FAHD1: variants seen among roughly 807,000 people sequenced by gnomAD.
FAHD1 encodes the protein FAH domain containing oxaloacetate decarboxylase 1, also known as oxaloacetate tautomerase FAHD1, mitochondrial.
Under a neutral mutation model 12.7 loss-of-function variants are expected in FAHD1, and 14 were observed. The observed-to-expected ratio is 1.10, with a 90% confidence interval of 0.73 to 1.72. FAHD1 has a LOEUF of 1.72. Ranked by LOEUF, FAHD1 falls within the 40% of genes most tolerant of loss-of-function variation. FAHD1 has a pLI of 0.00. For missense variants in FAHD1, 351 were observed against 298.9 expected (o/e 1.17, Z -1.29); for synonymous variants, 153 against 124.9 (o/e 1.22, Z -1.50).
Position 1,827,573 on chromosome 16 carries a change from AG to A in FAHD1, c.339del (p.Leu114CysfsTer30). 1 of 1,613,562 alleles carries A rather than the reference AG, an allele frequency of 6.2e-7. No homozygotes were observed. Among genetic ancestry groups the A allele is most frequent in the Non-Finnish European group, 8.5e-7 (1 of 1,180,002 alleles). The stretch of plus-strand genomic sequence containing the variant: ...GACGTGCAGGACGAGTGCAAGAAGA[AG>A]GGGCTGCCCTGGACTCTGGCGAAGA... On this transcript the variant is annotated frameshift_variant, in exon 1 of 1. Transcript: ENST00000427358. LOFTEE classifies it high-confidence loss of function.
chr16:1,838,925 C>T (rs888000982), intron 2 of FAHD1, among the ~76,000 whole-genome samples: 3 of 152,186 alleles, frequency 2.0e-5, no homozygotes, highest in African/African-American at 7.2e-5. Context: ...CTCCTGACCT[C>T]AAGTGATCCG....
At chr16:1,827,954 C>G (rs771634206) in exon 1 of FAHD1, 1 of 1,578,476 alleles carries the variant, frequency 6.3e-7, no homozygotes, top group South Asian at 1.2e-5. Flanking sequence ...CAAGAGCAAG[C>G]AACGGCTATT....
downstream of FAHD1, among the ~76,000 whole-genome samples, chr16:1,831,900 G>GC (rs1898626536): frequency 6.6e-6 from 1 of 151,860 alleles, no homozygotes; most frequent in African/African-American, 2.4e-5. Flanking sequence ...AACCATCCCC[G>GC]CCCCCCGACC....
chr16:1,832,302 C>G (rs1898636112), downstream of FAHD1, among the ~76,000 whole-genome samples: 1 of 149,162 alleles, frequency 6.7e-6, no homozygotes, highest in Admixed American at 6.7e-5. Flanking sequence ...TCCCGAGTAG[C>G]TGGGACTACA....
exon 1 of FAHD1, chr16:1,827,335 A>G (rs1480050212): frequency 1.2e-6 from 2 of 1,613,162 alleles, no homozygotes; most frequent in African/African-American, 1.3e-5. Flanking sequence ...GGAGATGCGC[A>G]GCGCGGTGTT....
chr16:1,830,563 A>G (rs1898600964), downstream of FAHD1, among the ~76,000 whole-genome samples: 1 of 152,228 alleles, frequency 6.6e-6, no homozygotes. Flanking sequence ...CCCTGGGGTC[A>G]GTGTTCACCA....
At chr16:1,835,612 G>A (rs375926414) in intron 1 of FAHD1, among the ~76,000 whole-genome samples, 1 of 152,104 alleles carries the variant, frequency 6.6e-6, no homozygotes, top group African/African-American at 2.4e-5. Context: ...ACATTGGCTA[G>A]AACACGTTCA....
chr16:1,835,862 C>CT (rs34146401), intron 1 of FAHD1, among the ~76,000 whole-genome samples: 1,458 of 142,790 alleles, frequency 0.01, 7 homozygotes, highest in African/African-American at 0.015. Flanking sequence ...ATTCCTTTTT[C>CT]TTTTTTTTTT....
exon 3 of FAHD1, chr16:1,839,399 C>T: frequency 6.2e-7 from 1 of 1,613,680 alleles, no homozygotes; most frequent in Non-Finnish European, 8.5e-7. Flanking sequence ...AAGTTGTGCA[C>T]ATGTTAGATG....
downstream of FAHD1, among the ~76,000 whole-genome samples, chr16:1,830,946 C>CACACACACACA: frequency 2.8e-5 from 1 of 35,246 alleles, no homozygotes; most frequent in Non-Finnish European, 5.8e-5. Context: ...ACACACACAC[C>CACACACACACA]CATATTTTGG....
At chr16:1,829,661 A>AT (rs148278050), downstream of FAHD1, among the ~76,000 whole-genome samples, 26,936 of 151,948 alleles carry the variant, frequency 0.18, 2,547 homozygotes, top group South Asian at 0.27. Context: ...TTTTAGTATT[A>AT]TTTTTTCATT....
exon 1 of FAHD1, chr16:1,828,799 A>G: frequency 1.0e-6 from 1 of 996,992 alleles, no homozygotes; most frequent in Non-Finnish European, 1.2e-6. Flanking sequence ...TAAGTGAACA[A>G]GTAATGAAGA....
At chr16:1,834,298 AG>A (rs1898680041) in intron 1 of FAHD1, 1 of 1,612,794 alleles carries the variant, frequency 6.2e-7, no homozygotes, top group Admixed American at 1.7e-5. Flanking sequence ...TTGCCTCAGT[AG>A]GATCTGCAAG....
downstream of FAHD1, among the ~76,000 whole-genome samples, chr16:1,833,238 G>A (rs1898654587): frequency 1.3e-5 from 2 of 152,154 alleles, no homozygotes; most frequent in African/African-American, 2.4e-5. Flanking sequence ...TCGTCCTCAT[G>A]TCCTGAGTAG....
At chr16:1,835,127 C>T (rs959840263) in intron 1 of FAHD1, among the ~76,000 whole-genome samples, 3 of 152,006 alleles carry the variant, frequency 2.0e-5, no homozygotes, top group Non-Finnish European at 4.4e-5. Context: ...TGGTGGTGCA[C>T]ACCTGTGGTC....
At chr16:1,838,799 C>G (rs913469336) in intron 2 of FAHD1, among the ~76,000 whole-genome samples, 3 of 152,084 alleles carry the variant, frequency 2.0e-5, no homozygotes, top group Non-Finnish European at 1.5e-5. Context: ...TCAAGTGATT[C>G]TCGTGCCCCA....
chr16:1,832,882 C>T (rs530732996), downstream of FAHD1, among the ~76,000 whole-genome samples: 1 of 152,188 alleles, frequency 6.6e-6, no homozygotes, highest in Non-Finnish European at 1.5e-5. Flanking sequence ...CGTTCATTAC[C>T]TTATCACCAC....
chr16:1,839,472 T>A (rs771191531), exon 3 of FAHD1: 1 of 1,551,410 alleles, frequency 6.4e-7, no homozygotes, highest in Admixed American at 1.9e-5. Context: ...TAAAATGTGA[T>A]GCCCTAAGCT....
downstream of FAHD1, among the ~76,000 whole-genome samples, chr16:1,831,919 C>T (rs111908928): frequency 0.011 from 1,706 of 152,214 alleles, 16 homozygotes; most frequent in Non-Finnish European, 0.016. Context: ...CCCGGCAATC[C>T]GTGGAAAAAC....
Sources: allele counts gnomAD v4.1 joint callset (sites outside exome capture counted in the v4.1 genomes callset), GRCh38; gene constraint gnomAD v4.1.1; transcripts MANE v1.5; gene names NCBI Gene and HGNC (gene_info 2026-07-23, HGNC 2026-07-21).